The following FBXL17 variants were observed in gnomAD, a reference collection of about 807,000 sequenced individuals.
FBXL17 encodes the protein F-box and leucine rich repeat protein 17, also known as F-box/LRR-repeat protein 17.
FBXL17 carries 22 observed loss-of-function variants against 66.2 expected under a neutral mutation model. That is an observed-to-expected ratio of 0.33 (90% CI 0.24 to 0.47). FBXL17 has a LOEUF of 0.47. FBXL17 is among the 20% of genes least tolerant of loss of function. FBXL17 has a pLI of 1.00. For synonymous variants in FBXL17, 474 were observed against 400.5 expected, an observed-to-expected ratio of 1.18 and a Z score of -2.19; for missense variants, 878 against 948.2, an observed-to-expected ratio of 0.93 and a Z score of 0.97.
At chr5:108,265,999 T>G (rs1262779936) in intron 4 of FBXL17, among the ~76,000 whole-genome samples, 1 of 152,168 alleles carries the variant, frequency 6.6e-6, no homozygotes, top group Non-Finnish European at 1.5e-5. Context: ...CAGTTTTTTC[T>G]TACTGAGGGG....
chr5:107,928,800 C>A lies in FBXL17; in HGVS notation c.1823-47621G>T, dbSNP rs1351226885. On this transcript the variant is annotated intron_variant, in intron 7 of 8. Coordinates refer to ENST00000542267, the MANE Select transcript of FBXL17 (RefSeq NM_001163315.3). ...CTAGCTGTGGGCTCACCTACAATTA[C>A]ACAATTATCAGTGTCTCTAAGTGTA... Among the ~76,000 whole-genome samples, 5 of 152,264 alleles carry A rather than the reference C, an allele frequency of 3.3e-5. No homozygotes were observed. In the East Asian group the frequency reaches 9.7e-4, roughly 29 times the overall value.
intron 6 of FBXL17, among the ~76,000 whole-genome samples, chr5:108,148,586 T>C (rs1040348916): frequency 6.6e-6 from 1 of 152,226 alleles, no homozygotes; most frequent in Middle Eastern, 3.2e-3. Context: ...ACACACAGTA[T>C]GATTACATCT....
At chr5:108,326,532 G>A (rs1759862484) in intron 4 of FBXL17, among the ~76,000 whole-genome samples, 1 of 152,090 alleles carries the variant, frequency 6.6e-6, no homozygotes, top group South Asian at 2.1e-4. Context: ...AAACTCGGGA[G>A]GTGGAGGTTG....
intron 8 of FBXL17, among the ~76,000 whole-genome samples, chr5:107,871,541 A>G (rs1387071170): frequency 6.6e-6 from 1 of 152,204 alleles, no homozygotes; most frequent in East Asian, 1.9e-4. Flanking sequence ...AGCCAAGTGC[A>G]TGCAAGCTCC....
intron 7 of FBXL17, among the ~76,000 whole-genome samples, chr5:107,883,900 TAAAC>T (rs1748877097): frequency 6.6e-6 from 1 of 152,042 alleles, no homozygotes; most frequent in African/African-American, 2.4e-5. Flanking sequence ...GTTTTCCAGA[TAAAC>T]AAAGGAGCAA....
At chr5:108,119,457 C>A (rs1750389736) in intron 6 of FBXL17, among the ~76,000 whole-genome samples, 1 of 152,158 alleles carries the variant, frequency 6.6e-6, no homozygotes, top group Non-Finnish European at 1.5e-5. Flanking sequence ...TTCTTCCTAG[C>A]CTTGCTCAGT....
intron 6 of FBXL17, among the ~76,000 whole-genome samples, chr5:108,072,785 T>C (rs1580404187): frequency 6.6e-6 from 1 of 152,208 alleles, no homozygotes; most frequent in South Asian, 2.1e-4. Context: ...ATCTCATTCC[T>C]CATTAACGCT....
At chr5:107,880,123 T>C (rs1228315938) in intron 8 of FBXL17, 1 of 174,154 alleles carries the variant, frequency 5.7e-6, no homozygotes, top group Non-Finnish European at 9.5e-6. Context: ...CTGAGGTGGT[T>C]GCGGCACAAT....
chr5:108,223,040 A>C (rs531784892), intron 5 of FBXL17, among the ~76,000 whole-genome samples: 1 of 152,252 alleles, frequency 6.6e-6, no homozygotes, highest in Non-Finnish European at 1.5e-5. Flanking sequence ...TTCTGAATCA[A>C]GTACCTTATA....
At chr5:107,875,892 A>G (rs563740470) in intron 8 of FBXL17, among the ~76,000 whole-genome samples, 1 of 152,238 alleles carries the variant, frequency 6.6e-6, no homozygotes, top group South Asian at 2.1e-4. Context: ...CTGGATAATC[A>G]ATAGGCTCAC....
intron 7 of FBXL17, among the ~76,000 whole-genome samples, chr5:108,007,984 A>G (rs1719594509): frequency 6.6e-6 from 1 of 152,182 alleles, no homozygotes; most frequent in African/African-American, 2.4e-5. Flanking sequence ...CATTCCCTGA[A>G]TTTTCTGTAG....
intron 6 of FBXL17, among the ~76,000 whole-genome samples, chr5:108,145,275 G>A (rs1751510603): frequency 1.3e-5 from 2 of 152,032 alleles, no homozygotes; most frequent in Admixed American, 6.5e-5. Flanking sequence ...AAATACATCA[G>A]AAATAAAACA....
intron 7 of FBXL17, among the ~76,000 whole-genome samples, chr5:108,017,308 T>C (rs1487276291): frequency 1.3e-5 from 2 of 152,186 alleles, no homozygotes; most frequent in African/African-American, 2.4e-5. Context: ...ACTAATAATC[T>C]TGTTTAGCTA....
intron 4 of FBXL17, among the ~76,000 whole-genome samples, chr5:108,318,665 C>G (rs1283263358): frequency 6.6e-6 from 1 of 151,762 alleles, no homozygotes; most frequent in Non-Finnish European, 1.5e-5. Context: ...AAATAGGAAA[C>G]AGAAAACTAG....
At chr5:108,270,859 G>A (rs72503488) in intron 4 of FBXL17, among the ~76,000 whole-genome samples, 6,527 of 151,988 alleles carry the variant, frequency 0.043, 769 homozygotes, top group East Asian at 0.39. Context: ...TTACTATTAT[G>A]AGGAGGGGGG....
intron 7 of FBXL17, among the ~76,000 whole-genome samples, chr5:107,924,072 T>G (rs1047740102): frequency 8.6e-5 from 13 of 150,770 alleles, no homozygotes; most frequent in East Asian, 2.0e-4. Flanking sequence ...TTTTTTTTTT[T>G]TTTTTTTTTT....
chr5:107,931,098 T>C (rs953188466), intron 7 of FBXL17, among the ~76,000 whole-genome samples: 2 of 152,156 alleles, frequency 1.3e-5, no homozygotes, highest in African/African-American at 4.8e-5. Context: ...AAAACCCAAG[T>C]GATGGACATT....
intron 6 of FBXL17, among the ~76,000 whole-genome samples, chr5:108,039,052 T>C (rs1469300614): frequency 6.6e-6 from 1 of 152,114 alleles, no homozygotes; most frequent in Non-Finnish European, 1.5e-5. Flanking sequence ...TATTTTACAA[T>C]CTTCCTCTTG....
rs1445298226 is a variant in FBXL17 at position 108,016,584 on chromosome 5, G to C, written c.1822+4341C>G. Among the ~76,000 whole-genome samples the C allele has an allele frequency of 2.6e-5, 4 of 152,026 alleles. 1 individual carries two copies. The highest frequency in any genetic ancestry group is 7.2e-5 in the African/African-American group (3 of 41,398). On this transcript the variant is annotated intron_variant, in intron 7 of 8. Coordinates refer to ENST00000542267, the MANE Select transcript of FBXL17 (RefSeq NM_001163315.3). ...GTTCACAATGGTAATATTCACTGTGGAGACACTAATGGAGATAAGCGCTTT... is the reference window on the plus strand; with the variant it reads ...GTTCACAATGGTAATATTCACTGTGCAGACACTAATGGAGATAAGCGCTTT...
Sources: allele counts gnomAD v4.1 joint callset (sites outside exome capture counted in the v4.1 genomes callset), GRCh38; gene constraint gnomAD v4.1.1; transcripts MANE v1.5; gene names NCBI Gene and HGNC (gene_info 2026-07-23, HGNC 2026-07-21).